Variants in ILDR1 observed in about 807,000 individuals in gnomAD.
ILDR1 encodes immunoglobulin-like domain-containing receptor 1.
In ILDR1, 56 loss-of-function variants were observed where a neutral mutation model predicts 62.4. The ratio of observed to expected loss-of-function variants is 0.90; its 90% CI spans 0.72 to 1.12. ILDR1 has a LOEUF of 1.12. Ranked by LOEUF, ILDR1 falls within the 50% of genes most tolerant of loss-of-function variation. The probability of loss-of-function intolerance (pLI) is 0.00; values close to 1 mark genes in which losing one functional copy is unlikely to be tolerated. For missense variants in ILDR1, 736 were observed against 710.6 expected (o/e 1.04, Z -0.41); for synonymous variants, 284 against 277.8 (o/e 1.02, Z -0.22).
chr3:122,021,748 G>A (rs899252459), intron 1 of ILDR1, among the ~76,000 whole-genome samples: 1 of 152,236 alleles, frequency 6.6e-6, no homozygotes, highest in Non-Finnish European at 1.5e-5. Flanking sequence ...ATCAAGAACT[G>A]CCTAATGACT....
At chr3:122,029,532 A>ATATATATATATATATATATATG in the ILDR1 span, among the ~76,000 whole-genome samples, 3 of 148,834 alleles carry the variant, frequency 2.0e-5, no homozygotes, top group Middle Eastern at 3.5e-3. Context: ...ATATATATAT[A>ATATATATATATATATATATATG]TTTAGGGGAA....
chr3:122,046,243 G>A, the ILDR1 span, among the ~76,000 whole-genome samples: 66 of 149,468 alleles, frequency 4.4e-4, no homozygotes, highest in African/African-American at 1.6e-3. Context: ...GTTGAATATC[G>A]GCCCCCACTC....
the ILDR1 span, among the ~76,000 whole-genome samples, chr3:122,046,739 T>G: frequency 0.99 from 126,391 of 127,274 alleles, 62,817 homozygotes; most frequent in East Asian, 1. Context: ...CATTCTTCAC[T>G]TAGTTCTCGA....
chr3:122,047,751 A>C, the ILDR1 span, among the ~76,000 whole-genome samples: 2 of 152,232 alleles, frequency 1.3e-5, no homozygotes, highest in East Asian at 3.8e-4. Flanking sequence ...CAAGTGAGGC[A>C]ATGCCTCGCC....
In ILDR1 at chr3:121,993,929, G is replaced by A. The variant is rs2107644932; in HGVS notation, c.820C>T (p.Gln274Ter). ...PSSLPQMPMT[Q>*]TTNQPPIANG... is the part of the protein sequence containing the mutation. The stretch of plus-strand genomic sequence containing the variant: ...GCGATGGGAGGCTGATTGGTGGTCT[G>A]GGTCATTGGCATCTGCGGGAGGCTG... The change falls in exon 7 of 8, where the codon CAG becomes TAG. Residue 274 changes from glutamine (Q) to a stop codon, truncating the protein, a stop_gained. Transcript: ENST00000344209. LOFTEE classifies it high-confidence loss of function. 5.0e-6 allele frequency: 8 copies of A among 1,613,250 alleles called. No individual in the cohort carries two copies. Among genetic ancestry groups the A allele is most frequent in the Middle Eastern group, 1.6e-4 (1 of 6,062 alleles).
chr3:122,022,202 C>T lies in ILDR1; in HGVS notation c.-125G>A. On this transcript the variant is annotated 5_prime_UTR_variant, in exon 1 of 8. Coordinates refer to ENST00000344209, the MANE Select transcript of ILDR1 (RefSeq NM_001199799.2). ...CCCTCGGGTTTCCCCTCCCTCGGCG[C>T]AGCGGGGAGGGAGCGTCCGCTCTGG... The T allele has an allele frequency of 4.8e-6, 4 of 836,670 alleles. No homozygotes were observed. The highest frequency in any genetic ancestry group is 7.4e-6 in the Non-Finnish European group (4 of 540,470). The allele number at this position is 836,670 out of a possible 1,614,324, so 51.8% of individuals were successfully genotyped here.
At chr3:122,021,786 G>A (rs1023129500) in intron 1 of ILDR1, among the ~76,000 whole-genome samples, 4 of 152,246 alleles carry the variant, frequency 2.6e-5, no homozygotes, top group Admixed American at 6.5e-5. Context: ...AAGGCTCCAG[G>A]TTTCTCAGTT....
chr3:121,997,879 C>G (rs1340741482), intron 5 of ILDR1, among the ~76,000 whole-genome samples: 1 of 152,202 alleles, frequency 6.6e-6, no homozygotes, highest in Admixed American at 6.5e-5. Flanking sequence ...ATTAGGTGAA[C>G]TATCAAGGGT....
chr3:121,994,357 GC>G (rs907700362), intron 5 of ILDR1, 44 bp from the exon 6 acceptor site: 5 of 1,507,030 alleles, frequency 3.3e-6, no homozygotes, highest in Non-Finnish European at 4.4e-6. Flanking sequence ...GCCAGGGCAA[GC>G]CCCACACCTC....
chr3:122,025,805 G>A (rs999473957), upstream of ILDR1, among the ~76,000 whole-genome samples: 34 of 152,122 alleles, frequency 2.2e-4, 1 homozygote, highest in Non-Finnish European at 2.9e-5. Flanking sequence ...AAAGCTAAAG[G>A]GAGGTAAGAA....
the ILDR1 span, among the ~76,000 whole-genome samples, chr3:122,047,989 G>T: frequency 6.6e-6 from 1 of 152,230 alleles, no homozygotes; most frequent in South Asian, 2.1e-4. Flanking sequence ...CCAGCACTGT[G>T]TTGAATAGAA....
At chr3:121,988,563 A>G (rs2071288683) in intron 7 of ILDR1, among the ~76,000 whole-genome samples, 155 bp from the exon 8 acceptor site, 1 of 152,244 alleles carries the variant, frequency 6.6e-6, no homozygotes, top group African/African-American at 2.4e-5. Flanking sequence ...TTTACTCTTC[A>G]TGAAACCAAT....
chr3:122,048,019 T>TA, the ILDR1 span, among the ~76,000 whole-genome samples: 1 of 152,240 alleles, frequency 6.6e-6, no homozygotes, highest in Non-Finnish European at 1.5e-5. Flanking sequence ...TAGGCAGACT[T>TA]ACCTTGTTCC....
At chr3:121,992,596 G>A (rs1019542280) in intron 7 of ILDR1, among the ~76,000 whole-genome samples, 1 of 152,182 alleles carries the variant, frequency 6.6e-6, no homozygotes, top group Non-Finnish European at 1.5e-5. Flanking sequence ...CCCATATATG[G>A]AATATCAGGG....
At chr3:122,003,339 T>A (rs1240349334) in intron 3 of ILDR1, among the ~76,000 whole-genome samples, 1 of 152,210 alleles carries the variant, frequency 6.6e-6, no homozygotes, top group East Asian at 1.9e-4. Context: ...TCTTTCTACG[T>A]CAATATCTAC....
At chr3:122,041,329 A>G in the ILDR1 span, among the ~76,000 whole-genome samples, 1 of 152,206 alleles carries the variant, frequency 6.6e-6, no homozygotes, top group Admixed American at 6.5e-5. Context: ...TTGTTATAAA[A>G]GTGAATTAGG....
chr3:122,047,209 G>T, the ILDR1 span, among the ~76,000 whole-genome samples: 1 of 151,416 alleles, frequency 6.6e-6, no homozygotes, highest in South Asian at 2.1e-4. Context: ...CTGCTGGGGG[G>T]TGCCTCCCAG....
At chr3:121,995,051 A>T (rs537852591) in intron 5 of ILDR1, among the ~76,000 whole-genome samples, 18 of 152,276 alleles carry the variant, frequency 1.2e-4, no homozygotes, top group African/African-American at 4.3e-4. Flanking sequence ...AAAATCATAT[A>T]AAAAAAGTAG....
the ILDR1 span, among the ~76,000 whole-genome samples, chr3:122,049,201 T>C: frequency 1.3e-5 from 2 of 152,326 alleles, no homozygotes; most frequent in South Asian, 4.1e-4. Context: ...TTCCTTCTAA[T>C]ATTGATTTCT....
Sources: allele counts gnomAD v4.1 joint callset (sites outside exome capture counted in the v4.1 genomes callset), GRCh38; gene constraint gnomAD v4.1.1; transcripts MANE v1.5; gene names NCBI Gene and HGNC (gene_info 2026-07-23, HGNC 2026-07-21).